TAFA4: variants seen among roughly 807,000 people sequenced by gnomAD.
TAFA4 encodes the protein chemokine-like protein TAFA-4.
TAFA4 carries 20 observed loss-of-function variants against 21.1 expected under a neutral mutation model. The ratio of observed to expected loss-of-function variants is 0.95; its 90% CI spans 0.67 to 1.38. The LOEUF (loss-of-function observed/expected upper bound fraction) is 1.38. Ranked by LOEUF, TAFA4 falls within the 40% of genes most tolerant of loss-of-function variation. The probability of loss-of-function intolerance (pLI) is 0.00; values close to 1 mark genes in which losing one functional copy is unlikely to be tolerated. For missense variants in TAFA4, 211 were observed against 180.9 expected, an observed-to-expected ratio of 1.17 and a Z score of -0.95; for synonymous variants, 71 against 67.4, an observed-to-expected ratio of 1.05 and a Z score of -0.26.
intron 3 of TAFA4, among the ~76,000 whole-genome samples, chr3:68,775,206 T>A (rs1343241228): frequency 6.6e-6 from 1 of 152,166 alleles, no homozygotes; most frequent in Non-Finnish European, 1.5e-5. Flanking sequence ...TGGGGGAATT[T>A]GTACTCACTC....
intron 3 of TAFA4, among the ~76,000 whole-genome samples, chr3:68,770,145 C>T (rs1454862862): frequency 6.6e-6 from 1 of 152,124 alleles, no homozygotes; most frequent in East Asian, 1.9e-4. Context: ...TGTTACATCC[C>T]AGATTTTGGG....
intron 3 of TAFA4, among the ~76,000 whole-genome samples, chr3:68,801,404 C>G (rs1703576345): frequency 6.6e-6 from 1 of 152,162 alleles, no homozygotes. Context: ...GGTTAAGAAC[C>G]ACCCAAATCT....
chr3:68,846,872 G>A (rs921668020), intron 3 of TAFA4, among the ~76,000 whole-genome samples: 59 of 152,246 alleles, frequency 3.9e-4, no homozygotes, highest in Middle Eastern at 3.4e-3. Context: ...AAAGATTGCT[G>A]CCTGTTCCTT....
chr3:68,799,745 A>T (rs1703533965), intron 3 of TAFA4, among the ~76,000 whole-genome samples: 1 of 82,804 alleles, frequency 1.2e-5, no homozygotes, highest in Non-Finnish European at 2.9e-5. Flanking sequence ...TGAAAGGGGC[A>T]AAGAGATCGT....
At chr3:68,753,303 A>G (rs571245122) in intron 3 of TAFA4, among the ~76,000 whole-genome samples, 1 of 149,574 alleles carries the variant, frequency 6.7e-6, no homozygotes, top group African/African-American at 2.5e-5. Flanking sequence ...ATGATAAAAG[A>G]GAGTTTGCAG....
intron 1 of TAFA4, among the ~76,000 whole-genome samples, chr3:68,889,084 G>A (rs1170855421): frequency 6.6e-6 from 1 of 152,176 alleles, no homozygotes; most frequent in Non-Finnish European, 1.5e-5. Flanking sequence ...CAAAAGTCAT[G>A]TGTTTTTAAA....
chr3:68,820,828 C>T (rs540796384), intron 3 of TAFA4, among the ~76,000 whole-genome samples: 1 of 152,220 alleles, frequency 6.6e-6, no homozygotes, highest in African/African-American at 2.4e-5. Context: ...ATACCTATGA[C>T]TTTTACTTGT....
chr3:68,762,253 T>G (rs1559512822), intron 3 of TAFA4, among the ~76,000 whole-genome samples: 2 of 151,098 alleles, frequency 1.3e-5, no homozygotes, highest in African/African-American at 2.4e-5. Flanking sequence ...TTGATTGGAA[T>G]GGGTTGGAGA....
intron 1 of TAFA4, among the ~76,000 whole-genome samples, chr3:68,909,190 AG>A (rs1315978452): frequency 3.3e-5 from 5 of 152,220 alleles, no homozygotes; most frequent in Non-Finnish European, 7.3e-5. Context: ...CAAAAAAAAA[AG>A]GGATTTGGGG....
At chr3:68,837,902 T>C (rs1704559386) in intron 3 of TAFA4, among the ~76,000 whole-genome samples, 1 of 152,084 alleles carries the variant, frequency 6.6e-6, no homozygotes, top group Admixed American at 6.6e-5. Flanking sequence ...AATTGAAAAA[T>C]TCAACTATAT....
At chr3:68,769,044 A>C (rs1702905834) in intron 3 of TAFA4, among the ~76,000 whole-genome samples, 1 of 152,168 alleles carries the variant, frequency 6.6e-6, no homozygotes, top group South Asian at 2.1e-4. Flanking sequence ...ACCTCCTCCG[A>C]GCCATAAACA....
At position 68,911,874 on chromosome 3, in the gene TAFA4, C is replaced by A. The variant is rs547098984; in HGVS notation, c.-123+20366G>T. Among the ~76,000 whole-genome samples, 23 of 152,164 alleles carry A rather than the reference C, an allele frequency of 1.5e-4. 1 individual carries two copies. The highest frequency in any genetic ancestry group is 4.6e-4 in the Admixed American group (7 of 15,278). On this transcript the variant is annotated intron_variant, in intron 1 of 5. Coordinates refer to ENST00000295569, the MANE Select transcript of TAFA4 (RefSeq NM_182522.5). ...AGTGGTAATACGTTTCCGACCCACACGGAGGGCTCTAGTGCCCAGATCATC... is the reference window on the plus strand; with the variant it reads ...AGTGGTAATACGTTTCCGACCCACAAGGAGGGCTCTAGTGCCCAGATCATC...
chr3:68,738,639 C>T (rs558142436), intron 5 of TAFA4, among the ~76,000 whole-genome samples: 5 of 152,306 alleles, frequency 3.3e-5, no homozygotes, highest in Admixed American at 2.0e-4. Flanking sequence ...ATTGAAAAGA[C>T]GACCACTTGG....
rs183931213 is a variant in TAFA4, at chr3:68,763,331, C to G, written c.131-10313G>C. Among the ~76,000 whole-genome samples the G allele has an allele frequency of 3.4e-3, 517 of 152,220 alleles. 1 individual carries two copies. Among genetic ancestry groups the G allele is most frequent in the Non-Finnish European group, 4.8e-3 (329 of 68,008 alleles). ...TTATTTCCCCTGAAAAGCCATGTAG[C>G]AAAATCCAGTCTAAGAATTATATCC... On this transcript the variant is annotated intron_variant, in intron 3 of 5. Coordinates refer to ENST00000295569, the MANE Select transcript of TAFA4 (RefSeq NM_182522.5).
chr3:68,908,237 CAG>C (rs2089923370), intron 1 of TAFA4, among the ~76,000 whole-genome samples: 2 of 152,176 alleles, frequency 1.3e-5, no homozygotes, highest in South Asian at 4.1e-4. Flanking sequence ...CTAAGAGACA[CAG>C]AGGTTAACAT....
chr3:68,870,673 G>C (rs1412473344), intron 3 of TAFA4, among the ~76,000 whole-genome samples: 1 of 151,970 alleles, frequency 6.6e-6, no homozygotes, highest in Admixed American at 6.6e-5. Flanking sequence ...GCATCTATCA[G>C]CCAACCGTCT....
chr3:68,759,738 G>A (rs565742957), intron 3 of TAFA4, among the ~76,000 whole-genome samples: 1 of 152,170 alleles, frequency 6.6e-6, no homozygotes, highest in Non-Finnish European at 1.5e-5. Context: ...GTGTGAATTG[G>A]AGCAGGCAAG....
chr3:68,741,394 T>G (rs148179265), intron 4 of TAFA4, among the ~76,000 whole-genome samples: 55 of 152,348 alleles, frequency 3.6e-4, no homozygotes, highest in African/African-American at 1.3e-3. Flanking sequence ...AAAATAGGAT[T>G]GCTTCCTTAA....
chr3:68,789,225 C>T (rs1261245310), intron 3 of TAFA4, among the ~76,000 whole-genome samples: 8 of 136,260 alleles, frequency 5.9e-5, no homozygotes, highest in African/African-American at 1.3e-4. Flanking sequence ...AGTGAGACTC[C>T]GTCTCAAAAA....
Sources: allele counts gnomAD v4.1 joint callset (sites outside exome capture counted in the v4.1 genomes callset), GRCh38; gene constraint gnomAD v4.1.1; transcripts MANE v1.5; gene names NCBI Gene and HGNC (gene_info 2026-07-23, HGNC 2026-07-21).